The following PHF21A variants were observed in gnomAD, a reference collection of about 807,000 sequenced individuals.
PHF21A encodes BHC80a.
Under a neutral mutation model 82.5 loss-of-function variants are expected in PHF21A, and 11 were observed. The ratio of observed to expected loss-of-function variants is 0.13; its 90% CI spans 0.08 to 0.22. The LOEUF (loss-of-function observed/expected upper bound fraction) is 0.22, where lower values mean the gene tolerates loss of function less well. PHF21A is among the 10% of genes least tolerant of loss of function. The pLI is 1.00. For missense variants in PHF21A, 579 were observed against 837.8 expected (o/e 0.69, Z 3.81); for synonymous variants, 297 against 302.8 (o/e 0.98, Z 0.20).
intron 10 of PHF21A, among the ~76,000 whole-genome samples, chr11:45,957,154 T>C (rs1189202452): frequency 1.3e-5 from 2 of 152,078 alleles, no homozygotes; most frequent in South Asian, 2.1e-4. Flanking sequence ...ATTGAAAGGA[T>C]TGAGGACAGA....
chr11:46,072,552 A>T (rs2096667712), intron 6 of PHF21A, among the ~76,000 whole-genome samples: 1 of 152,230 alleles, frequency 6.6e-6, no homozygotes, highest in Non-Finnish European at 1.5e-5. Context: ...GATGAGACAG[A>T]AATTAAGTTT....
intron 6 of PHF21A, among the ~76,000 whole-genome samples, chr11:46,062,102 T>C (rs1440895995): frequency 2.0e-5 from 3 of 152,112 alleles, no homozygotes; most frequent in African/African-American, 7.2e-5. Context: ...GTTTTTTTTT[T>C]TCCTCTAAGG....
rs2096337073 is a variant in PHF21A, at chr11:46,050,363, T to C, written c.153+26391A>G. 2.6e-5 allele frequency among the ~76,000 whole-genome samples: 4 copies of C among 152,360 alleles called. No homozygotes were observed. In the South Asian group the frequency reaches 8.3e-4, roughly 32 times the overall value. ...CGGCTTACTTTGATCAACTGAGTGG[T>C]GTGCTGATCAGTGTGATTTCCCTGT... On this transcript the variant is annotated intron_variant, in intron 6 of 18. Transcript: ENST00000676320.
intron 1 of PHF21A, among the ~76,000 whole-genome samples, chr11:46,104,048 T>C (rs781459980): frequency 1.3e-5 from 2 of 152,100 alleles, no homozygotes; most frequent in Non-Finnish European, 2.9e-5. Context: ...GACAATTAAA[T>C]ATAGAAAGAA....
intron 6 of PHF21A, among the ~76,000 whole-genome samples, chr11:45,996,910 T>C (rs746200094): frequency 6.6e-6 from 1 of 152,218 alleles, no homozygotes; most frequent in East Asian, 1.9e-4. Context: ...CTTACTTTCT[T>C]TGGGCACAAA....
intron 3 of PHF21A, among the ~76,000 whole-genome samples, chr11:46,087,077 A>C (rs2096865735): frequency 6.6e-6 from 1 of 152,168 alleles, no homozygotes; most frequent in Non-Finnish European, 1.5e-5. Context: ...GCCACTTCGC[A>C]ATTTGCTGAT....
At chr11:46,077,289 T>C (rs1482761701) in intron 5 of PHF21A, among the ~76,000 whole-genome samples, 2 of 152,236 alleles carry the variant, frequency 1.3e-5, no homozygotes, top group African/African-American at 2.4e-5. Flanking sequence ...TTTGTTATTT[T>C]AGCCTAGATC....
intron 6 of PHF21A, among the ~76,000 whole-genome samples, chr11:46,051,072 C>G (rs2096356790): frequency 6.6e-6 from 1 of 152,178 alleles, no homozygotes; most frequent in African/African-American, 2.4e-5. Flanking sequence ...TCCTGGGAAA[C>G]AGCAGCAAAA....
At position 46,040,665 on chromosome 11, in the gene PHF21A, G is replaced by A. The variant is rs538033761; in HGVS notation, c.153+36089C>T. Among the ~76,000 whole-genome samples, 3 of 152,212 alleles carry A rather than the reference G, an allele frequency of 2.0e-5. No homozygotes were observed. The South Asian group carries it at 6.2e-4, about 32-fold the overall frequency. ...AAGGTCCTGCTGGTAACAAACCCTTGCTCACAATTCTATCCTGAAGCAGCT... is the reference window on the plus strand; with the variant it reads ...AAGGTCCTGCTGGTAACAAACCCTTACTCACAATTCTATCCTGAAGCAGCT... On this transcript the variant is annotated intron_variant, in intron 6 of 18. Transcript: ENST00000676320.
At chr11:45,987,250 A>ATGT (rs1565415187) in intron 6 of PHF21A, among the ~76,000 whole-genome samples, 161 of 39,790 alleles carry the variant, frequency 4.0e-3, no homozygotes, top group African/African-American at 0.017. Context: ...TATCATAAAT[A>ATGT]AATGTATGTA....
In PHF21A at chr11:45,932,889, C is replaced by CT. The variant is rs759711538; in HGVS notation, c.*1078dup. 7 of 152,414 alleles carry CT rather than the reference C, an allele frequency of 4.6e-5. No homozygotes were observed. Among genetic ancestry groups the CT allele is most frequent in the Non-Finnish European group, 8.8e-5 (6 of 68,004 alleles). The allele number at this position is 152,414 out of a possible 1,614,324, so 9.4% of individuals were successfully genotyped here. A position where few individuals can be genotyped will look rare whatever the true frequency, so the allele number is the denominator to read the frequency against. On this transcript the variant is annotated 3_prime_UTR_variant, in exon 19 of 19. Coordinates refer to ENST00000676320, the MANE Select transcript of PHF21A (RefSeq NM_001352027.3). This position sits in a 1 kb window ranked among gnomAD's most constrained non-coding sequence, Gnocchi z 4.3. ...ATTGGACTGTCAGCCTGAAAAACAG[C>CT]TTTTCTATTCCTTATTTTAGTTTTT... is the stretch of plus-strand genomic sequence containing the variant.
At chr11:46,108,881 G>C (rs2097180996) in intron 1 of PHF21A, among the ~76,000 whole-genome samples, 1 of 152,094 alleles carries the variant, frequency 6.6e-6, no homozygotes, top group Non-Finnish European at 1.5e-5. Flanking sequence ...ATAGCTATTA[G>C]ACCCCACCCC....
intron 6 of PHF21A, among the ~76,000 whole-genome samples, chr11:46,067,491 C>A (rs2096607915): frequency 6.6e-6 from 1 of 151,748 alleles, no homozygotes; most frequent in African/African-American, 2.4e-5. Context: ...CTGTCCTTTT[C>A]TGAAACTAAG....
rs370627435 is a variant in PHF21A, at chr11:45,934,143, C to T, written c.1871G>A (p.Arg624His). ...GGAGAGGTCGATGCCGTGGATGAGGCGAATCAGCTGTTTTACCTTCTCCAG... is the reference window on the plus strand; with the variant it reads ...GGAGAGGTCGATGCCGTGGATGAGGTGAATCAGCTGTTTTACCTTCTCCAG... ...SSLEKVKQLIRLIHGIDLSKP... is the reference protein window; with the variant it reads ...SSLEKVKQLIHLIHGIDLSKP... The change falls in exon 19 of 19, where the codon CGC becomes CAC. Residue 624 changes from arginine to histidine, a missense_variant. Coordinates refer to ENST00000676320, the MANE Select transcript of PHF21A (RefSeq NM_001352027.3). 3.3e-5 allele frequency: 54 copies of T among 1,613,984 alleles called. No homozygotes were observed. Among genetic ancestry groups the T allele is most frequent in the Middle Eastern group, 1.6e-4 (1 of 6,082 alleles).
At chr11:46,105,373 C>T (rs1028867495) in intron 1 of PHF21A, among the ~76,000 whole-genome samples, 2 of 152,114 alleles carry the variant, frequency 1.3e-5, no homozygotes, top group African/African-American at 2.4e-5. Context: ...TCTTTACAGG[C>T]ACACAGGACA....
At chr11:45,991,928 C>G (rs1471254589) in intron 6 of PHF21A, among the ~76,000 whole-genome samples, 1 of 152,138 alleles carries the variant, frequency 6.6e-6, no homozygotes, top group African/African-American at 2.4e-5. Flanking sequence ...ATCTCACTCA[C>G]GTGAACATGT....
intron 6 of PHF21A, among the ~76,000 whole-genome samples, chr11:46,048,607 T>C (rs2096293221): frequency 6.6e-6 from 1 of 151,688 alleles, no homozygotes; most frequent in Admixed American, 6.6e-5. Flanking sequence ...CCATCTCTAC[T>C]AAAAATACAA....
chr11:45,981,392 CAAAAAAAAAA>C (rs59866051), intron 6 of PHF21A, among the ~76,000 whole-genome samples: 32 of 60,284 alleles, frequency 5.3e-4, no homozygotes, highest in East Asian at 1.3e-3. Flanking sequence ...AACCCTGTCT[CAAAAAAAAAA>C]AAAAAAAAAA....
chr11:45,935,688 T>C lies in PHF21A; in HGVS notation c.1736A>G (p.Gln579Arg). The C allele has an allele frequency of 6.5e-7, 1 of 1,545,868 alleles. No homozygotes were observed. Among genetic ancestry groups the C allele is most frequent in the Non-Finnish European group, 8.9e-7 (1 of 1,119,318 alleles). ...CTTTTGCTCTAGTTGTTCTCGTTCT[T>C]GTTTTAAATCTGAACTCCATTTAAG... ...KLLKWSSDLK[Q>R]EREQLEQKVK... Residue 579 changes from glutamine (Q) to arginine (R), a missense_variant, in exon 18 of 19, where the codon CAA (glutamine) becomes CGA (arginine). Gln to Arg is a conservative substitution (Grantham distance 43). This residue lies in a region of PHF21A where 157 missense variants were observed against 149.4 expected (regional missense o/e 1.05). Coordinates refer to ENST00000676320, the MANE Select transcript of PHF21A (RefSeq NM_001352027.3).
Sources: allele counts gnomAD v4.1 joint callset (sites outside exome capture counted in the v4.1 genomes callset), GRCh38; gene constraint gnomAD v4.1.1; regional missense constraint gnomAD v4.1.1; non-coding constraint Gnocchi (gnomAD v3.1); transcripts MANE v1.5; gene names NCBI Gene and HGNC (gene_info 2026-07-23, HGNC 2026-07-21).